Variants in EML6 observed in about 807,000 individuals in gnomAD.
EML6 encodes echinoderm microtubule-associated protein-like 6.
A neutral mutation model predicts 240.1 loss-of-function variants in EML6; 154 were observed. That is an observed-to-expected ratio of 0.64 (90% CI 0.56 to 0.73). The LOEUF (loss-of-function observed/expected upper bound fraction) is 0.73, where lower values mean the gene tolerates loss of function less well. EML6 is among the 30% of genes least tolerant of loss of function. EML6 has a pLI of 0.00. For missense variants in EML6, 2,964 were observed against 2,474.6 expected (o/e 1.20, Z -4.20); for synonymous variants, 1,148 against 899.0 (o/e 1.28, Z -4.95).
At chr2:54,900,047 C>A (rs1228438069) in intron 22 of EML6, among the ~76,000 whole-genome samples, 1 of 152,202 alleles carries the variant, frequency 6.6e-6, no homozygotes, top group Non-Finnish European at 1.5e-5. Context: ...TATGTCCTTC[C>A]TCTTCTCATT....
intron 2 of EML6, among the ~76,000 whole-genome samples, chr2:54,735,593 C>T (rs1683352807): frequency 6.6e-6 from 1 of 152,154 alleles, no homozygotes; most frequent in Admixed American, 6.5e-5. Context: ...TCTCTACTGG[C>T]CTAGATGGAA....
intron 36 of EML6, among the ~76,000 whole-genome samples, chr2:54,963,378 C>T (rs1573226441): frequency 6.6e-6 from 1 of 152,214 alleles, no homozygotes. Context: ...CACTACTTGA[C>T]TAACTACATA....
chr2:54,801,120 A>G (rs931678034), intron 2 of EML6, among the ~76,000 whole-genome samples: 16 of 151,952 alleles, frequency 1.1e-4, no homozygotes, highest in African/African-American at 3.6e-4. Context: ...GGAGATTGAG[A>G]CCATCCTGGC....
chr2:54,725,361 G>C lies in EML6; in HGVS notation c.197+103G>C. On this transcript the variant is annotated intron_variant, in intron 2 of 41. Coordinates refer to ENST00000356458, the MANE Select transcript of EML6 (RefSeq NM_001039753.4). This position sits in a 1 kb window ranked among gnomAD's most constrained non-coding sequence, Gnocchi z 4.3. ...GGATCCGGGAGCCCCGTGGAATAGA[G>C]GATTCTCTCTGGAGCCGCATGGAAT... The C allele has an allele frequency of 4.6e-6, 4 of 866,448 alleles. No homozygotes were observed. The highest frequency in any genetic ancestry group is 6.6e-6 in the Non-Finnish European group (4 of 603,948). 53.7% of individuals were successfully genotyped at this position (866,448 alleles called of 1,614,324 possible). A position where few individuals can be genotyped will look rare whatever the true frequency, so the allele number is the denominator to read the frequency against.
At chr2:54,807,665 A>C (rs1301062494) in intron 2 of EML6, among the ~76,000 whole-genome samples, 1 of 152,226 alleles carries the variant, frequency 6.6e-6, no homozygotes, top group Non-Finnish European at 1.5e-5. Flanking sequence ...AAATAACCTC[A>C]CAACTATAGA....
At position 54,853,846 on chromosome 2, in the gene EML6, C is replaced by T; in HGVS notation, c.1648C>T (p.Leu550Phe). 7 of 1,550,252 alleles carry T rather than the reference C, an allele frequency of 4.5e-6. No homozygotes were observed. Among genetic ancestry groups the T allele is most frequent in the Non-Finnish European group, 5.2e-6 (6 of 1,145,828 alleles). Residue 550 changes from leucine (L) to phenylalanine (F), a missense_variant, in exon 11 of 42, where the codon CTC becomes TTC. Physicochemically the swap from Leu to Phe is conservative, Grantham distance 22 (BLOSUM62 0). Coordinates refer to ENST00000356458, the MANE Select transcript of EML6 (RefSeq NM_001039753.4). ...GGTTAAATTGTTTAAATTTCCTTGTCTCAAGAGAGGTAAGGCCAAAAGAGA... is the reference window on the plus strand; with the variant it reads ...GGTTAAATTGTTTAAATTTCCTTGTTTCAAGAGAGGTAAGGCCAAAAGAGA... ...GLVKLFKFPC[L>F]KRGAKFRKYV...
intron 2 of EML6, among the ~76,000 whole-genome samples, chr2:54,739,641 G>C (rs1257315460): frequency 6.6e-6 from 1 of 152,216 alleles, no homozygotes; most frequent in Admixed American, 6.5e-5. Context: ...ACGAGGGCAG[G>C]AGTCCACATA....
At chr2:54,863,662 T>G (rs1390830108) in intron 12 of EML6, 121 bp from the exon 13 acceptor site, 21 of 656,982 alleles carry the variant, frequency 3.2e-5, no homozygotes, top group Non-Finnish European at 8.1e-6. Flanking sequence ...TTATATTAAA[T>G]GAAAACTATG....
In EML6 at chr2:54,790,760, CTG is replaced by C. The variant is rs1342450370; in HGVS notation, c.198-22470_198-22469del. ...TTTTTTTTTGAGACGGAGTTACGCTCTGTCGCCCAGGCTGGAGTGCAGTGGCG... is the reference window on the plus strand; with the variant it reads ...TTTTTTTTTGAGACGGAGTTACGCTCTCGCCCAGGCTGGAGTGCAGTGGCG... On this transcript the variant is annotated intron_variant, in intron 2 of 41. Coordinates refer to ENST00000356458, the MANE Select transcript of EML6 (RefSeq NM_001039753.4). Among the ~76,000 whole-genome samples the C allele has an allele frequency of 2.2e-5, 3 of 136,808 alleles. No individual in the cohort carries two copies. In the East Asian group the frequency reaches 6.7e-4, roughly 30 times the overall value. The allele number at this position is 136,808 out of a possible 152,430, so 89.8% of individuals were successfully genotyped here.
intron 28 of EML6, among the ~76,000 whole-genome samples, chr2:54,938,152 C>T (rs1675247166): frequency 6.6e-6 from 1 of 152,130 alleles, no homozygotes; most frequent in Non-Finnish European, 1.5e-5. Flanking sequence ...TCGAGACCAG[C>T]CTGGCCAACA....
rs1573161920 is a variant in EML6, at chr2:54,928,381, C to G, written c.3744C>G (p.His1248Gln). 3.2e-6 allele frequency: 5 copies of G among 1,552,008 alleles called. No individual in the cohort carries two copies. The highest frequency in any genetic ancestry group is 4.4e-6 in the Non-Finnish European group (5 of 1,147,074). The stretch of plus-strand genomic sequence containing the variant: ...ATGTCACTAACGTGAGGTGGCTGCA[C>G]AATGACTCTGTGCTGCTCACGGTGG... ...SAHVTNVRWLHNDSVLLTVGG... is the reference protein window; with the variant it reads ...SAHVTNVRWLQNDSVLLTVGG... Residue 1248 changes from histidine (H) to glutamine (Q), a missense_variant, in exon 27 of 42, where the codon CAC becomes CAG. Coordinates refer to ENST00000356458, the MANE Select transcript of EML6 (RefSeq NM_001039753.4).
intron 28 of EML6, among the ~76,000 whole-genome samples, chr2:54,941,974 C>G (rs1244813205): frequency 6.6e-6 from 1 of 152,212 alleles, no homozygotes; most frequent in Non-Finnish European, 1.5e-5. Flanking sequence ...TAATCATCTC[C>G]AAGGCCTATT....
Position 54,850,106 on chromosome 2 carries a change from T to G in EML6, c.1332T>G (p.Ile444Met). ...VYAVAQRYKK[I>M]GECSKSLSFI... ...CTGTTGCCCAGAGGTATAAGAAAAT[T>G]GGAGAATGCAGCAAGTCCCTTAGTT... is the stretch of plus-strand genomic sequence containing the variant. The change falls in exon 10 of 42, where the codon ATT becomes ATG. Residue 444 changes from isoleucine to methionine, a missense_variant. Physicochemically the swap from Ile to Met is conservative, Grantham distance 10. Coordinates refer to ENST00000356458, the MANE Select transcript of EML6 (RefSeq NM_001039753.4). 1 of 1,552,036 alleles carries G rather than the reference T, an allele frequency of 6.4e-7. No homozygotes were observed. The highest frequency in any genetic ancestry group is 8.7e-7 in the Non-Finnish European group (1 of 1,147,062).
At position 54,871,628 on chromosome 2, in the gene EML6, C is replaced by A. The variant is rs758990887; in HGVS notation, c.2344+23C>A. 7.4e-6 allele frequency: 11 copies of A among 1,476,858 alleles called. No individual in the cohort carries two copies. In the African/African-American group the frequency reaches 9.8e-5, roughly 13 times the overall value. The allele number at this position is 1,476,858 out of a possible 1,614,324, so 91.5% of individuals were successfully genotyped here. Reference sequence around the variant, plus strand: ...CAGGTAAGGTCCAGAGTGATTGACACATGGTTCTACGTTGAGAGAGAGAGA... The same window carrying A: ...CAGGTAAGGTCCAGAGTGATTGACAAATGGTTCTACGTTGAGAGAGAGAGA... On this transcript the variant is annotated intron_variant, in intron 16 of 41. Transcript: ENST00000356458.
Position 54,950,646 on chromosome 2 carries a change from G to C in EML6, c.4084-4G>C, listed in dbSNP as rs773015611. 1.6e-5 allele frequency: 25 copies of C among 1,551,498 alleles called. No homozygotes were observed. The highest frequency in any genetic ancestry group is 2.7e-5 in the African/African-American group (2 of 73,062). On this transcript the variant is annotated splice_polypyrimidine_tract_variant and splice_region_variant and intron_variant, in intron 29 of 41. Coordinates refer to ENST00000356458, the MANE Select transcript of EML6 (RefSeq NM_001039753.4). ...GTCACATTGATCTGTGTGTGTGAAT[G>C]CAGGAGCTGGCTCTAGACCACGTGT...
intron 2 of EML6, among the ~76,000 whole-genome samples, chr2:54,755,226 A>C (rs1303689230): frequency 2.0e-5 from 3 of 152,212 alleles, no homozygotes; most frequent in Non-Finnish European, 2.9e-5. Context: ...ATTCTGATCC[A>C]TTAGTCTTCA....
intron 2 of EML6, among the ~76,000 whole-genome samples, chr2:54,733,099 A>C (rs1332632335): frequency 2.0e-5 from 3 of 152,168 alleles, no homozygotes; most frequent in African/African-American, 4.8e-5. Context: ...GGGATTGTCC[A>C]CTGGTTTGCT....
At chr2:54,910,644 T>G (rs1250885401) in intron 24 of EML6, among the ~76,000 whole-genome samples, 1 of 152,128 alleles carries the variant, frequency 6.6e-6, no homozygotes, top group African/African-American at 2.4e-5. Context: ...AACTGATTTT[T>G]CTCAGGCTTT....
intron 7 of EML6, 149 bp downstream of exon 7, chr2:54,829,626 G>T: frequency 1.7e-6 from 1 of 605,824 alleles, no homozygotes; most frequent in Non-Finnish European, 2.7e-6. Flanking sequence ...AAAGTAAATG[G>T]ATGTCCTTTT....
Sources: allele counts gnomAD v4.1 joint callset (sites outside exome capture counted in the v4.1 genomes callset), GRCh38; gene constraint gnomAD v4.1.1; non-coding constraint Gnocchi (gnomAD v3.1); transcripts MANE v1.5; gene names NCBI Gene and HGNC (gene_info 2026-07-23, HGNC 2026-07-21).